The following COLEC11 variants were observed in gnomAD, a reference collection of about 807,000 sequenced individuals.
COLEC11 encodes the protein collectin subfamily member 11.
COLEC11 carries 20 observed loss-of-function variants against 27.3 expected under a neutral mutation model. The ratio of observed to expected loss-of-function variants is 0.73; its 90% confidence interval spans 0.51 to 1.06. The LOEUF is 1.06. COLEC11 is among the 50% of genes least tolerant of loss of function. The pLI, the probability that COLEC11 is intolerant of heterozygous loss-of-function variation, is 0.00. For missense variants in COLEC11, 310 were observed against 383.0 expected, an observed-to-expected ratio of 0.81 and a Z score of 1.59; for synonymous variants, 163 against 154.7, an observed-to-expected ratio of 1.05 and a Z score of -0.40.
At chr2:3,622,339 A>AAAC (rs1558504660) in intron 3 of COLEC11, among the ~76,000 whole-genome samples, 1 of 152,198 alleles carries the variant, frequency 6.6e-6, no homozygotes, top group African/African-American at 2.4e-5. Flanking sequence ...AAAAACAAAC[A>AAAC]AACAACAACA....
rs1662466707 is a variant in COLEC11 at position 3,604,358 on chromosome 2, C to T, written c.18C>T (p.Ala6=). Reference sequence around the variant, plus strand: ...CGCTCAGGATGAGGGGGAATCTGGCCCTGGTGGGCGTTCTAATCAGCCTGG... The same window carrying T: ...CGCTCAGGATGAGGGGGAATCTGGCTCTGGTGGGCGTTCTAATCAGCCTGG... MRGNL[A]LVGVLISLAF... Residue 6 remains alanine, a synonymous_variant, in exon 2 of 7, where the codon GCC becomes GCT. Coordinates refer to ENST00000349077, the MANE Select transcript of COLEC11 (RefSeq NM_024027.5). 1.9e-6 allele frequency: 3 copies of T among 1,614,208 alleles called. No individual in the cohort carries two copies. Among genetic ancestry groups the T allele is most frequent in the East Asian group, 2.2e-5 (1 of 44,874 alleles).
intron 3 of COLEC11, chr2:3,617,412 G>A: frequency 1.0e-6 from 1 of 969,274 alleles, no homozygotes; most frequent in Non-Finnish European, 1.6e-6. Context: ...GTAGTTCTTT[G>A]ATGTGAAAGG....
intron 2 of COLEC11, among the ~76,000 whole-genome samples, chr2:3,607,769 C>A (rs1405679714): frequency 6.6e-6 from 1 of 152,204 alleles, no homozygotes; most frequent in East Asian, 1.9e-4. Context: ...ATTTTAAAAT[C>A]ATTTACTGCC....
chr2:3,619,356 A>T (rs567030051), intron 3 of COLEC11, among the ~76,000 whole-genome samples: 1 of 152,324 alleles, frequency 6.6e-6, no homozygotes, highest in Non-Finnish European at 1.5e-5. Flanking sequence ...TTCTGATTTT[A>T]GAGTAAAGCT....
intron 3 of COLEC11, among the ~76,000 whole-genome samples, chr2:3,615,735 C>T (rs1341561627): frequency 6.6e-6 from 1 of 151,748 alleles, no homozygotes; most frequent in Non-Finnish European, 1.5e-5. Flanking sequence ...GCGCCCCCCA[C>T]CTCGCGGACA....
In COLEC11 at chr2:3,602,576, G is replaced by A. The variant is rs915437949; in HGVS notation, c.-26-1739G>A. ...CATCCTCGCCCGCTGTGCTGTTGTG[G>A]TCACCCTGGCTTGGTCTCCTTGCTT... On this transcript the variant is annotated intron_variant, in intron 1 of 6. Transcript: ENST00000349077. This position sits in a 1 kb window ranked among gnomAD's most constrained non-coding sequence, Gnocchi z 6.2. 6.6e-6 allele frequency among the ~76,000 whole-genome samples: 1 copy of A among 152,130 alleles called. No homozygotes were observed. The highest frequency in any genetic ancestry group is 2.4e-5 in the African/African-American group (1 of 41,428).
At chr2:3,608,372 G>A (rs1259954482) in intron 2 of COLEC11, among the ~76,000 whole-genome samples, 1 of 152,172 alleles carries the variant, frequency 6.6e-6, no homozygotes, top group Non-Finnish European at 1.5e-5. Flanking sequence ...AAATGAAAAG[G>A]ATGTGGGAAA....
chr2:3,604,291 C>G (rs775581207), intron 1 of COLEC11, 24 bp from the exon 2 acceptor site: 27 of 1,613,654 alleles, frequency 1.7e-5, no homozygotes, highest in Non-Finnish European at 2.2e-5. Flanking sequence ...GTTCCCATCA[C>G]TGTTTATTCC....
intron 2 of COLEC11, chr2:3,605,104 G>A (rs556939526): frequency 2.1e-6 from 1 of 470,870 alleles, no homozygotes; most frequent in African/African-American, 2.0e-5. Context: ...AAAATGACCA[G>A]CTTCTACAAA....
intron 3 of COLEC11, among the ~76,000 whole-genome samples, chr2:3,636,637 C>T (rs1209961759): frequency 6.6e-6 from 1 of 152,164 alleles, no homozygotes; most frequent in Non-Finnish European, 1.5e-5. Context: ...GTTTCTTTTC[C>T]CAGTTTTTCC....
At chr2:3,618,540 T>C (rs1663950855) in intron 3 of COLEC11, among the ~76,000 whole-genome samples, 1 of 152,242 alleles carries the variant, frequency 6.6e-6, no homozygotes, top group Non-Finnish European at 1.5e-5. Context: ...TCTGTTTTTA[T>C]GCCAGTGCTT....
At chr2:3,632,903 C>CCG (rs1665121257) in intron 3 of COLEC11, among the ~76,000 whole-genome samples, 4 of 50,494 alleles carry the variant, frequency 7.9e-5, no homozygotes, top group Admixed American at 3.5e-4. Flanking sequence ...AGCACAAACA[C>CCG]CACGGGCTGA....
At chr2:3,605,603 GA>G (rs1459519286) in intron 2 of COLEC11, 1 of 174,114 alleles carries the variant, frequency 5.7e-6, no homozygotes. Context: ...GGGTCCTGAG[GA>G]GGGGGAGGGG....
At chr2:3,632,068 C>CGCTCCT (rs984168182) in intron 3 of COLEC11, among the ~76,000 whole-genome samples, 6 of 152,210 alleles carry the variant, frequency 3.9e-5, no homozygotes, top group Non-Finnish European at 8.8e-5. Context: ...TGTGCGCTCG[C>CGCTCCT]GCTCCTGCTC....
intron 3 of COLEC11, among the ~76,000 whole-genome samples, chr2:3,633,096 A>G (rs1345537895): frequency 1.3e-5 from 2 of 152,186 alleles, no homozygotes; most frequent in Non-Finnish European, 2.9e-5. Context: ...AGTGACAGGG[A>G]GAGAGAAGCG....
At chr2:3,643,311 G>A in intron 5 of COLEC11, 133 bp from the exon 6 acceptor site, 1 of 751,520 alleles carries the variant, frequency 1.3e-6, no homozygotes. Flanking sequence ...GTGGGTGATG[G>A]TTATTGCGGC....
At chr2:3,640,194 A>G (rs1024097448) in intron 4 of COLEC11, 84 bp from the exon 5 acceptor site, 109 of 869,182 alleles carry the variant, frequency 1.3e-4, no homozygotes, top group Non-Finnish European at 2.0e-4. Flanking sequence ...CGCGAGACAA[A>G]TCACATTTTC....
At chr2:3,606,881 G>T (rs1355985406) in intron 2 of COLEC11, among the ~76,000 whole-genome samples, 1 of 152,192 alleles carries the variant, frequency 6.6e-6, no homozygotes, top group East Asian at 1.9e-4. Context: ...GAGAGGCAGC[G>T]TGCGGCACAG....
At chr2:3,610,622 G>A (rs915124686) in intron 2 of COLEC11, among the ~76,000 whole-genome samples, 2 of 152,096 alleles carry the variant, frequency 1.3e-5, no homozygotes, top group Non-Finnish European at 1.5e-5. Flanking sequence ...CTACTGCCTC[G>A]GGCTCGTGGC....
Sources: gnomAD v4.1 joint callset for allele counts (sites outside exome capture counted in the v4.1 genomes callset) on GRCh38, gnomAD v4.1.1 for gene constraint, Gnocchi (gnomAD v3.1) non-coding constraint, MANE v1.5 for transcripts, NCBI Gene and HGNC (gene_info 2026-07-23, HGNC 2026-07-21) for gene names.